ZNF644: variants seen among roughly 807,000 people sequenced by gnomAD.
The protein encoded by ZNF644 is zinc finger motif enhancer binding protein 2.
Under a neutral mutation model 108.0 loss-of-function variants are expected in ZNF644, and 20 were observed. That is an observed-to-expected ratio of 0.19 (90% confidence interval 0.13 to 0.27). The LOEUF (loss-of-function observed/expected upper bound fraction) is 0.27, where lower values mean the gene tolerates loss of function less well. Ranked by LOEUF, ZNF644 falls within the 10% of genes least tolerant of loss-of-function variation. The pLI is 1.00. For synonymous variants in ZNF644, 542 were observed against 539.1 expected (o/e 1.01, Z -0.08); for missense variants, 1,338 against 1,548.9 (o/e 0.86, Z 2.29).
At chr1:90,927,779 C>T (rs1374130607) in intron 4 of ZNF644, among the ~76,000 whole-genome samples, 7 of 152,054 alleles carry the variant, frequency 4.6e-5, no homozygotes, top group Non-Finnish European at 8.8e-5. Flanking sequence ...ATACCATTCC[C>T]TTATTTTTCT....
intron 1 of ZNF644, 79 bp from the exon 2 acceptor site, chr1:90,982,449 T>A: frequency 1.1e-6 from 1 of 944,046 alleles, no homozygotes. Context: ...TACACTATTA[T>A]TTTAAATGAA....
intron 1 of ZNF644, among the ~76,000 whole-genome samples, chr1:90,994,063 T>C (rs1302621681): frequency 1.3e-5 from 2 of 152,178 alleles, no homozygotes; most frequent in Non-Finnish European, 2.9e-5. Flanking sequence ...AATTTGTTCA[T>C]GGATGGGACT....
intron 1 of ZNF644, among the ~76,000 whole-genome samples, chr1:91,017,733 G>A (rs949320547): frequency 7.9e-5 from 12 of 152,250 alleles, no homozygotes; most frequent in Admixed American, 1.3e-4. Flanking sequence ...AGGCCAAGGC[G>A]GGTGAATCAC....
At chr1:90,999,991 T>C (rs909418983) in intron 1 of ZNF644, among the ~76,000 whole-genome samples, 2 of 152,096 alleles carry the variant, frequency 1.3e-5, no homozygotes, top group East Asian at 1.9e-4. Flanking sequence ...GAGCTAACTA[T>C]CCTAAATATA....
At position 90,938,101 on chromosome 1, in the gene ZNF644, A is replaced by G. The variant is rs534688552; in HGVS notation, c.3083-11T>C. ...CAGACTTCTCTATAGCTAGAAAAAAATTTTTAAGAGTAATATCAGACTTTC... is the reference window on the plus strand; with the variant it reads ...CAGACTTCTCTATAGCTAGAAAAAAGTTTTTAAGAGTAATATCAGACTTTC... On this transcript the variant is annotated splice_polypyrimidine_tract_variant and intron_variant, in intron 3 of 5. Coordinates refer to ENST00000337393, the MANE Select transcript of ZNF644 (RefSeq NM_201269.3). This position sits in a 1 kb window ranked among gnomAD's most constrained non-coding sequence, Gnocchi z 4.2. 1.9e-6 allele frequency: 3 copies of G among 1,610,844 alleles called. No individual in the cohort carries two copies. Among genetic ancestry groups the G allele is most frequent in the Admixed American group, 1.7e-5 (1 of 59,914 alleles).
At chr1:91,003,783 G>T (rs948696103) in intron 1 of ZNF644, among the ~76,000 whole-genome samples, 1 of 151,938 alleles carries the variant, frequency 6.6e-6, no homozygotes, top group Admixed American at 6.6e-5. Context: ...CCCAGACATA[G>T]GACTGACTAA....
chr1:90,920,632 A>G (rs930499521), intron 4 of ZNF644, among the ~76,000 whole-genome samples: 2 of 151,962 alleles, frequency 1.3e-5, no homozygotes, highest in Non-Finnish European at 2.9e-5. Context: ...ATCAGATCTA[A>G]ACTTGAAATG....
intron 1 of ZNF644, among the ~76,000 whole-genome samples, chr1:91,016,324 T>C (rs1206852976): frequency 1.3e-5 from 2 of 152,218 alleles, no homozygotes; most frequent in African/African-American, 4.8e-5. Flanking sequence ...GATGCATTCT[T>C]AGGCAATTTG....
At chr1:90,958,176 C>T (rs1042045461) in intron 2 of ZNF644, among the ~76,000 whole-genome samples, 1 of 133,654 alleles carries the variant, frequency 7.5e-6, no homozygotes. Flanking sequence ...GCTGAGGTTG[C>T]AGTAAGCTGA....
intron 2 of ZNF644, among the ~76,000 whole-genome samples, chr1:90,961,217 A>C (rs1654309566): frequency 6.6e-6 from 1 of 152,324 alleles, no homozygotes; most frequent in Non-Finnish European, 1.5e-5. Flanking sequence ...TAAGGGGTAC[A>C]GTATGGAAGG....
intron 1 of ZNF644, among the ~76,000 whole-genome samples, chr1:90,996,467 T>TC (rs1330096103): frequency 1.3e-5 from 2 of 152,020 alleles, no homozygotes; most frequent in African/African-American, 4.8e-5. Flanking sequence ...ATTCCCATTC[T>TC]CCCCCACAGT....
intron 1 of ZNF644, among the ~76,000 whole-genome samples, chr1:91,008,132 G>C (rs1340091162): frequency 2.0e-5 from 3 of 152,200 alleles, no homozygotes; most frequent in Non-Finnish European, 4.4e-5. Flanking sequence ...TCAACATGCA[G>C]ATTTTTATTT....
At chr1:90,955,103 G>A (rs1653619273) in intron 2 of ZNF644, among the ~76,000 whole-genome samples, 1 of 152,212 alleles carries the variant, frequency 6.6e-6, no homozygotes, top group Non-Finnish European at 1.5e-5. Context: ...GATCTTGGAT[G>A]ACCAGGTGCA....
intron 1 of ZNF644, among the ~76,000 whole-genome samples, chr1:91,007,280 GGCTGGA>G (rs1245969265): frequency 7.9e-6 from 1 of 126,332 alleles, no homozygotes; most frequent in African/African-American, 3.1e-5. Context: ...CTGTTGCACA[GGCTGGA>G]GCACAGTAGC....
intron 4 of ZNF644, among the ~76,000 whole-genome samples, chr1:90,925,982 C>T (rs2475831): frequency 6.6e-6 from 1 of 151,970 alleles, no homozygotes; most frequent in Non-Finnish European, 1.5e-5. Context: ...AAGCAAGTCT[C>T]GTTAGGTCCC....
chr1:90,933,270 C>A (rs1346506299), intron 4 of ZNF644, among the ~76,000 whole-genome samples: 1 of 152,102 alleles, frequency 6.6e-6, no homozygotes, highest in African/African-American at 2.4e-5. Context: ...ACATTAACTC[C>A]TCTAAAGTCT....
intron 2 of ZNF644, among the ~76,000 whole-genome samples, chr1:90,977,220 A>G (rs1248497435): frequency 6.6e-6 from 1 of 152,146 alleles, no homozygotes; most frequent in Non-Finnish European, 1.5e-5. Context: ...TAATGAACCT[A>G]ATATTTAGTA....
At chr1:90,947,934 T>G (rs1652689276) in intron 2 of ZNF644, among the ~76,000 whole-genome samples, 1 of 152,276 alleles carries the variant, frequency 6.6e-6, no homozygotes, top group South Asian at 2.1e-4. Flanking sequence ...TGAATGCACA[T>G]TGCTTCTACA....
chr1:90,997,631 G>A (rs559552706), intron 1 of ZNF644, among the ~76,000 whole-genome samples: 5 of 152,250 alleles, frequency 3.3e-5, no homozygotes, highest in South Asian at 2.1e-4. Context: ...CAGTGTGAGC[G>A]ATGCAGAACA....
Sources: allele counts gnomAD v4.1 joint callset (sites outside exome capture counted in the v4.1 genomes callset), GRCh38; gene constraint gnomAD v4.1.1; non-coding constraint Gnocchi (gnomAD v3.1); transcripts MANE v1.5; gene names NCBI Gene and HGNC (gene_info 2026-07-23, HGNC 2026-07-21).